The following CNTNAP5 variants were observed in gnomAD, a reference collection of about 807,000 sequenced individuals.
The protein encoded by CNTNAP5 is contactin associated protein family member 5.
In CNTNAP5, 72 loss-of-function variants were observed where a neutral mutation model predicts 150.2. The ratio of observed to expected loss-of-function variants is 0.48; its 90% CI spans 0.40 to 0.58. The LOEUF is 0.58. Among genes scored for constraint, CNTNAP5 ranks in the 20% least tolerant of loss-of-function variants. The pLI, the probability that CNTNAP5 is intolerant of heterozygous loss-of-function variation, is 0.00. For synonymous variants in CNTNAP5, 672 were observed against 619.8 expected, an observed-to-expected ratio of 1.08 and a Z score of -1.25; for missense variants, 1,636 against 1,626.2, an observed-to-expected ratio of 1.01 and a Z score of -0.10.
intron 3 of CNTNAP5, among the ~76,000 whole-genome samples, chr2:124,333,570 A>G (rs1011323488): frequency 6.6e-6 from 1 of 152,226 alleles, no homozygotes; most frequent in African/African-American, 2.4e-5. Flanking sequence ...ATTTTATAAG[A>G]AAGTATACAA....
intron 21 of CNTNAP5, among the ~76,000 whole-genome samples, chr2:124,898,062 TAA>T (rs945202786): frequency 3.3e-5 from 5 of 151,182 alleles, no homozygotes; most frequent in African/African-American, 9.8e-5. Flanking sequence ...TCCTTGTAGT[TAA>T]GTTTTCAAAC....
chr2:124,139,126 T>A (rs549219883), intron 1 of CNTNAP5, among the ~76,000 whole-genome samples: 4 of 151,996 alleles, frequency 2.6e-5, no homozygotes, highest in Non-Finnish European at 5.9e-5. Context: ...AGTTTTTTTT[T>A]CCCCCATAAG....
At chr2:124,862,591 C>A (rs139749031) in intron 19 of CNTNAP5, among the ~76,000 whole-genome samples, 34 of 152,240 alleles carry the variant, frequency 2.2e-4, no homozygotes, top group Non-Finnish European at 4.0e-4. Flanking sequence ...CATGGCAATG[C>A]CAGGCAAGAA....
At chr2:124,095,754 T>C (rs1682920949) in intron 1 of CNTNAP5, among the ~76,000 whole-genome samples, 2 of 152,202 alleles carry the variant, frequency 1.3e-5, no homozygotes, top group Non-Finnish European at 2.9e-5. Context: ...ATTTTTTGAT[T>C]TTAATATGCA....
intron 1 of CNTNAP5, among the ~76,000 whole-genome samples, chr2:124,102,562 A>G (rs978307909): frequency 7.2e-5 from 11 of 152,162 alleles, no homozygotes; most frequent in Non-Finnish European, 1.6e-4. Flanking sequence ...GAAGTCACAG[A>G]GGCGGACCTG....
chr2:124,046,335 C>T (rs1024122158), intron 1 of CNTNAP5, among the ~76,000 whole-genome samples: 8 of 148,656 alleles, frequency 5.4e-5, no homozygotes, highest in African/African-American at 2.0e-4. Flanking sequence ...TAGGAATGAA[C>T]ATTTTTAATA....
chr2:124,613,794 A>G (rs1677436412), intron 12 of CNTNAP5, among the ~76,000 whole-genome samples: 2 of 152,140 alleles, frequency 1.3e-5, no homozygotes, highest in Admixed American at 6.6e-5. Flanking sequence ...CAACCACCCT[A>G]TGTAATGTAA....
chr2:124,772,489 G>GAA (rs1277711449), intron 16 of CNTNAP5, among the ~76,000 whole-genome samples: 2 of 152,108 alleles, frequency 1.3e-5, no homozygotes, highest in Non-Finnish European at 2.9e-5. Context: ...GGACACAGCT[G>GAA]AAGCCACAAT....
At position 124,504,437 on chromosome 2, in the gene CNTNAP5, G is replaced by A; in HGVS notation, c.1208G>A (p.Gly403Asp). Residue 403 changes from glycine (G) to aspartate (D), a missense_variant, in exon 8 of 24, where the codon GGT (glycine) becomes GAT (aspartate). Transcript: ENST00000682447. ...SFQFRTWNKD[G>D]LLLSTELSEG... ...CAGTTTCGAACATGGAACAAGGATG[G>A]TCTGCTTCTGTCCACAGAGCTGTCT... The A allele has an allele frequency of 6.2e-7, 1 of 1,613,882 alleles. No individual in the cohort carries two copies. Among genetic ancestry groups the A allele is most frequent in the Non-Finnish European group, 8.5e-7 (1 of 1,179,850 alleles).
chr2:124,152,600 G>A (rs1442165135), intron 1 of CNTNAP5, among the ~76,000 whole-genome samples: 1 of 152,154 alleles, frequency 6.6e-6, no homozygotes, highest in Non-Finnish European at 1.5e-5. Flanking sequence ...AGGAGGTTTT[G>A]TGGAGGGAGA....
chr2:124,109,174 T>C (rs898353883), intron 1 of CNTNAP5, among the ~76,000 whole-genome samples: 1 of 152,122 alleles, frequency 6.6e-6, no homozygotes, highest in East Asian at 1.9e-4. Flanking sequence ...ATTAATTTTG[T>C]ATTTAAATTT....
At chr2:124,645,413 T>C (rs1678183117) in intron 12 of CNTNAP5, among the ~76,000 whole-genome samples, 1 of 152,058 alleles carries the variant, frequency 6.6e-6, no homozygotes, top group Non-Finnish European at 1.5e-5. Flanking sequence ...AAAAACTTTT[T>C]AAAGATTATC....
At chr2:124,815,296 C>A (rs1682338288) in intron 19 of CNTNAP5, among the ~76,000 whole-genome samples, 1 of 152,180 alleles carries the variant, frequency 6.6e-6, no homozygotes, top group African/African-American at 2.4e-5. Context: ...AAGTAATAAT[C>A]CTCGGTAATC....
chr2:124,220,802 C>T (rs1686287912), intron 1 of CNTNAP5, among the ~76,000 whole-genome samples: 1 of 152,066 alleles, frequency 6.6e-6, no homozygotes, highest in South Asian at 2.1e-4. Context: ...ACAGCCTAAT[C>T]ATCTCTGAAA....
chr2:124,145,807 AAC>A (rs1238954732), intron 1 of CNTNAP5, among the ~76,000 whole-genome samples: 949 of 46,958 alleles, frequency 0.02, 26 homozygotes, highest in African/African-American at 0.07. Flanking sequence ...AAAAAAAAAA[AAC>A]ATTAAAAAAA....
At chr2:124,725,459 T>TCTTCCC (rs945171079) in intron 13 of CNTNAP5, among the ~76,000 whole-genome samples, 2 of 127,038 alleles carry the variant, frequency 1.6e-5, no homozygotes, top group Admixed American at 8.7e-5. Context: ...TTCCCCTTCC[T>TCTTCCC]CTTCCCCTTC....
chr2:124,586,419 T>C (rs1504019), intron 11 of CNTNAP5, among the ~76,000 whole-genome samples: 75,507 of 152,036 alleles, frequency 0.5, 19,213 homozygotes, highest in East Asian at 0.72. Flanking sequence ...CAGGAGCGGG[T>C]GCTGGCCTGC....
intron 21 of CNTNAP5, among the ~76,000 whole-genome samples, chr2:124,880,827 A>G (rs1677949540): frequency 6.6e-6 from 1 of 152,146 alleles, no homozygotes; most frequent in Admixed American, 6.5e-5. Flanking sequence ...CTTAATATTC[A>G]TAAAAAGAAG....
At chr2:124,503,667 C>T (rs1194482678) in intron 7 of CNTNAP5, among the ~76,000 whole-genome samples, 1 of 152,168 alleles carries the variant, frequency 6.6e-6, no homozygotes, top group Non-Finnish European at 1.5e-5. Context: ...CAAGCTCTGC[C>T]TCTCTTCACC....
Sources: gnomAD v4.1 joint callset for allele counts (sites outside exome capture counted in the v4.1 genomes callset) on GRCh38, gnomAD v4.1.1 for gene constraint, MANE v1.5 for transcripts, NCBI Gene and HGNC (gene_info 2026-07-23, HGNC 2026-07-21) for gene names.